ADCK1: variants seen among roughly 807,000 people sequenced by gnomAD.
The protein encoded by ADCK1 is aarF domain-containing protein kinase 1.
A neutral mutation model predicts 52.3 loss-of-function variants in ADCK1; 41 were observed. The observed-to-expected ratio is 0.78, with a 90% CI of 0.61 to 1.02. The LOEUF is 1.02. Among genes scored for constraint, ADCK1 ranks in the 50% least tolerant of loss-of-function variants. The pLI is 0.00. For missense variants in ADCK1, 658 were observed against 679.5 expected, an observed-to-expected ratio of 0.97 and a Z score of 0.35; for synonymous variants, 250 against 274.6, an observed-to-expected ratio of 0.91 and a Z score of 0.89.
At chr14:77,811,213 A>G (rs564979569) in intron 1 of ADCK1, among the ~76,000 whole-genome samples, 1 of 151,906 alleles carries the variant, frequency 6.6e-6, no homozygotes, top group African/African-American at 2.4e-5. Context: ...GTGAGGAGAT[A>G]ATAATAATGA....
chr14:77,882,239 TG>T (rs796104405), intron 4 of ADCK1, among the ~76,000 whole-genome samples: 11 of 152,134 alleles, frequency 7.2e-5, no homozygotes, highest in African/African-American at 2.7e-4. Context: ...GGATGGCAGC[TG>T]GCACCCAGCC....
At chr14:77,899,304 G>C in intron 6 of ADCK1, 46 bp downstream of exon 6, 1 of 1,604,254 alleles carries the variant, frequency 6.2e-7, no homozygotes, top group Non-Finnish European at 8.5e-7. Context: ...TGGTGGAAGA[G>C]TGTAGCGGTA....
intron 3 of ADCK1, among the ~76,000 whole-genome samples, chr14:77,855,674 G>T (rs950614298): frequency 6.6e-6 from 1 of 152,102 alleles, no homozygotes; most frequent in Non-Finnish European, 1.5e-5. Context: ...GGGATGAGGG[G>T]TTACAATTTC....
chr14:77,860,098 C>A (rs1336325258), intron 4 of ADCK1, among the ~76,000 whole-genome samples: 1 of 152,176 alleles, frequency 6.6e-6, no homozygotes, highest in Non-Finnish European at 1.5e-5. Flanking sequence ...GTCCAAACCC[C>A]AGCTCTTCTA....
intron 4 of ADCK1, among the ~76,000 whole-genome samples, chr14:77,877,555 A>T (rs1353189188): frequency 6.6e-6 from 1 of 152,088 alleles, no homozygotes; most frequent in Admixed American, 6.5e-5. Context: ...CCCAAGGGGG[A>T]AATAGGGAAA....
chr14:77,856,129 GA>G (rs1403473168), intron 3 of ADCK1, among the ~76,000 whole-genome samples: 2 of 152,152 alleles, frequency 1.3e-5, no homozygotes, highest in African/African-American at 4.8e-5. Flanking sequence ...AGAATCACTT[GA>G]ACCCGGAAAG....
intron 7 of ADCK1, among the ~76,000 whole-genome samples, chr14:77,919,550 G>T (rs897678949): frequency 6.6e-6 from 1 of 152,174 alleles, no homozygotes; most frequent in Admixed American, 6.5e-5. Context: ...CTATAAACAT[G>T]CATGTGTGTC....
intron 3 of ADCK1, among the ~76,000 whole-genome samples, chr14:77,845,506 T>A (rs1428682867): frequency 6.6e-6 from 1 of 152,124 alleles, no homozygotes; most frequent in Non-Finnish European, 1.5e-5. Context: ...CCTTGCAACC[T>A]CCATCTCCCG....
At chr14:77,864,659 GTA>G (rs1491099394) in intron 4 of ADCK1, among the ~76,000 whole-genome samples, 20 of 147,792 alleles carry the variant, frequency 1.4e-4, no homozygotes, top group African/African-American at 4.7e-4. Flanking sequence ...GTGTGTGTGT[GTA>G]TGTGTGTTTG....
At chr14:77,895,714 A>C (rs958285547) in intron 5 of ADCK1, among the ~76,000 whole-genome samples, 1 of 152,202 alleles carries the variant, frequency 6.6e-6, no homozygotes, top group African/African-American at 2.4e-5. Context: ...AGCCAAGAAA[A>C]GTCTAAAATG....
intron 1 of ADCK1, among the ~76,000 whole-genome samples, chr14:77,816,600 G>C (rs6574404): frequency 0.76 from 115,997 of 152,002 alleles, 44,349 homozygotes; most frequent in South Asian, 0.81. Context: ...ACGCCCTTTC[G>C]CTGTTAACTG....
intron 1 of ADCK1, among the ~76,000 whole-genome samples, chr14:77,808,085 G>A (rs994654946): frequency 6.6e-6 from 1 of 152,198 alleles, no homozygotes; most frequent in Non-Finnish European, 1.5e-5. Flanking sequence ...GGAGAAAAGG[G>A]TGCCCATGAG....
chr14:77,820,644 G>A (rs1322546536), intron 2 of ADCK1, among the ~76,000 whole-genome samples: 4 of 16,298 alleles, frequency 2.5e-4, no homozygotes, highest in Admixed American at 1.0e-3. Context: ...TTTTACGTGT[G>A]TGTGTGTGTG....
Position 77,801,549 on chromosome 14 carries a change from G to A in ADCK1, c.-12+1379G>A, listed in dbSNP as rs1000708943. 2.6e-5 allele frequency among the ~76,000 whole-genome samples: 4 copies of A among 152,144 alleles called. No individual in the cohort carries two copies. The East Asian group carries it at 7.7e-4, about 29-fold the overall frequency. ...TCTTTGCTTGGCCATTTCTCAACTG[G>A]CCTCAGGGATGTGCGATTTGATCTG... On this transcript the variant is annotated intron_variant, in intron 1 of 10. Coordinates refer to ENST00000238561, the MANE Select transcript of ADCK1 (RefSeq NM_020421.4).
At chr14:77,900,646 G>A (rs1339750363) in intron 6 of ADCK1, 1 of 454,132 alleles carries the variant, frequency 2.2e-6, no homozygotes. Flanking sequence ...CCAGATGTGG[G>A]TGACTCACCG....
chr14:77,844,579 A>T (rs1244530873), intron 3 of ADCK1, among the ~76,000 whole-genome samples: 2 of 152,190 alleles, frequency 1.3e-5, no homozygotes. Flanking sequence ...CACCAAGAGC[A>T]GACTCGGTCT....
At chr14:77,920,200 T>C (rs926349267) in intron 7 of ADCK1, among the ~76,000 whole-genome samples, 4 of 152,222 alleles carry the variant, frequency 2.6e-5, no homozygotes, top group African/African-American at 9.6e-5. Context: ...GAAGAGTTTT[T>C]CTGATGTTAT....
chr14:77,836,092 T>A (rs944228840), intron 3 of ADCK1, among the ~76,000 whole-genome samples: 1 of 152,218 alleles, frequency 6.6e-6, no homozygotes, highest in Non-Finnish European at 1.5e-5. Flanking sequence ...AATAATGCTG[T>A]TACCGTGGGA....
intron 5 of ADCK1, among the ~76,000 whole-genome samples, chr14:77,895,562 A>T (rs1195581639): frequency 6.6e-6 from 1 of 152,206 alleles, no homozygotes; most frequent in Admixed American, 6.5e-5. Flanking sequence ...TGATAACAAC[A>T]CCTGTTTTAT....
Sources: gnomAD v4.1 joint callset for allele counts (sites outside exome capture counted in the v4.1 genomes callset) on GRCh38, gnomAD v4.1.1 for gene constraint, MANE v1.5 for transcripts, NCBI Gene and HGNC (gene_info 2026-07-23, HGNC 2026-07-21) for gene names.